Variants in C10orf143 observed in about 807,000 individuals in gnomAD.
C10orf143 encodes chromosome 10 open reading frame 143.
downstream of C10orf143, among the ~76,000 whole-genome samples, chr10:130,063,305 G>A (rs537713699): frequency 8.5e-5 from 13 of 152,126 alleles, no homozygotes; most frequent in African/African-American, 2.4e-4. Flanking sequence ...TTTTTTTCCC[G>A]TAAAAATTAG....
intron 1 of C10orf143, among the ~76,000 whole-genome samples, chr10:130,101,728 C>T (rs990371245): frequency 6.6e-6 from 1 of 150,740 alleles, no homozygotes; most frequent in Non-Finnish European, 1.5e-5. Flanking sequence ...GCTATGGTGG[C>T]AAGCATCTGT....
intron 1 of C10orf143, chr10:130,105,915 C>A (rs61750902): frequency 6.5e-5 from 24 of 368,618 alleles, no homozygotes; most frequent in Non-Finnish European, 1.1e-4. Flanking sequence ...AGCTCCCCCC[C>A]GCAGCCGGCT....
At chr10:130,050,847 T>A (rs1160383758) in intron 3 of C10orf143, among the ~76,000 whole-genome samples, 1 of 152,240 alleles carries the variant, frequency 6.6e-6, no homozygotes, top group Admixed American at 6.5e-5. Flanking sequence ...CAGTTCCTGC[T>A]GGAGCACTGA....
chr10:130,039,244 T>G (rs866708296), intron 3 of C10orf143, among the ~76,000 whole-genome samples: 3 of 152,192 alleles, frequency 2.0e-5, no homozygotes, highest in Non-Finnish European at 2.9e-5. Context: ...GAATGATTTC[T>G]TATGGGGTCG....
At chr10:130,090,665 T>A (rs539677038) in intron 1 of C10orf143, among the ~76,000 whole-genome samples, 152 of 152,256 alleles carry the variant, frequency 1.0e-3, no homozygotes, top group African/African-American at 3.5e-3. Flanking sequence ...ATCCACTGGC[T>A]TGAAATTCTC....
At position 130,041,852 on chromosome 10, in the gene C10orf143, C is replaced by A. The variant is rs1279190732; in HGVS notation, c.298-5882G>T. Among the ~76,000 whole-genome samples the A allele has an allele frequency of 2.6e-5, 4 of 151,910 alleles. No individual in the cohort carries two copies. The East Asian group carries it at 5.8e-4, about 22-fold the overall frequency. On this transcript the variant is annotated intron_variant and NMD_transcript_variant, in intron 3 of 5. Transcript: ENST00000643056. ...ACACACATGCATGTACACACATGCA[C>A]CCATGTGCATACTCTCACATGAACA...
At chr10:130,036,644 A>T (rs2134717978) in intron 3 of C10orf143, among the ~76,000 whole-genome samples, 1 of 152,272 alleles carries the variant, frequency 6.6e-6, no homozygotes, top group South Asian at 2.1e-4. Context: ...AGTATTTGAC[A>T]AAGAGGGAAG....
chr10:130,041,816 C>A (rs1213943109), intron 3 of C10orf143, among the ~76,000 whole-genome samples: 1 of 147,280 alleles, frequency 6.8e-6, no homozygotes, highest in East Asian at 1.9e-4. Flanking sequence ...AAGCTCTGCA[C>A]ACACACACAC....
chr10:130,070,122 T>C (rs1861006857), intron 3 of C10orf143, among the ~76,000 whole-genome samples: 2 of 152,246 alleles, frequency 1.3e-5, no homozygotes, highest in South Asian at 4.1e-4. Context: ...AATGCAGTCA[T>C]TTTTCTAATG....
intron 3 of C10orf143, among the ~76,000 whole-genome samples, chr10:130,047,204 C>T (rs1564952673): frequency 6.6e-6 from 1 of 152,170 alleles, no homozygotes; most frequent in Non-Finnish European, 1.5e-5. Context: ...CTGCTCTGGA[C>T]CTGGTGTTAT....
At chr10:130,061,249 A>G (rs1231475489), downstream of C10orf143, among the ~76,000 whole-genome samples, 1 of 152,260 alleles carries the variant, frequency 6.6e-6, no homozygotes, top group Non-Finnish European at 1.5e-5. Flanking sequence ...ACTTTTGAGT[A>G]ATGGGATTAT....
chr10:130,050,922 G>A (rs1281323095), intron 3 of C10orf143, among the ~76,000 whole-genome samples: 1 of 152,180 alleles, frequency 6.6e-6, no homozygotes, highest in Non-Finnish European at 1.5e-5. Flanking sequence ...CAACATGGAT[G>A]ATGGTCCCAT....
At chr10:130,069,306 T>A (rs546442929) in intron 3 of C10orf143, among the ~76,000 whole-genome samples, 23 of 152,312 alleles carry the variant, frequency 1.5e-4, no homozygotes, top group African/African-American at 5.3e-4. Flanking sequence ...TGGCCACATA[T>A]GCCTTTCCTC....
intron 3 of C10orf143, among the ~76,000 whole-genome samples, chr10:130,077,103 A>G (rs1021103181): frequency 8.5e-5 from 13 of 152,130 alleles, no homozygotes; most frequent in African/African-American, 3.1e-4. Flanking sequence ...ATAAGAAACC[A>G]CCTCAGTCAC....
intron 3 of C10orf143, among the ~76,000 whole-genome samples, chr10:130,073,323 C>T (rs1294667101): frequency 6.6e-6 from 1 of 152,142 alleles, no homozygotes; most frequent in Non-Finnish European, 1.5e-5. Flanking sequence ...ATAAAATAAA[C>T]TTGGAGCCCA....
At chr10:130,098,193 C>A (rs978266262) in intron 1 of C10orf143, among the ~76,000 whole-genome samples, 2 of 151,982 alleles carry the variant, frequency 1.3e-5, no homozygotes, top group Non-Finnish European at 2.9e-5. Context: ...CATGGTGGCA[C>A]GTGCCTGTAA....
chr10:130,105,740 C>G (rs151141738), intron 1 of C10orf143, among the ~76,000 whole-genome samples: 144 of 152,106 alleles, frequency 9.5e-4, no homozygotes, highest in African/African-American at 2.0e-3. Flanking sequence ...CCCTCCCCCC[C>G]CAAACAAAAC....
intron 3 of C10orf143, among the ~76,000 whole-genome samples, chr10:130,054,147 A>C (rs1860770753): frequency 6.6e-6 from 1 of 152,080 alleles, no homozygotes; most frequent in Admixed American, 6.5e-5. Flanking sequence ...CCATAAGTGA[A>C]ATTTTATACT....
intron 1 of C10orf143, chr10:130,105,092 TA>T (rs1171715031): frequency 6.6e-6 from 1 of 152,136 alleles, no homozygotes; most frequent in Non-Finnish European, 1.5e-5. Context: ...CAAGCCCAGC[TA>T]ATGTTTGTAT....
Sources: gnomAD v4.1 joint callset for allele counts (sites outside exome capture counted in the v4.1 genomes callset) on GRCh38, gnomAD v4.1.1 for gene constraint, MANE v1.5 for transcripts, NCBI Gene and HGNC (gene_info 2026-07-23, HGNC 2026-07-21) for gene names.